The following YARS1 variants were observed in gnomAD, a reference collection of about 807,000 sequenced individuals.
The protein encoded by YARS1 is tyrosyl-tRNA synthetase 1, also known as tyrosine--tRNA ligase, cytoplasmic.
YARS1 carries 36 observed loss-of-function variants against 62.2 expected under a neutral mutation model. The observed-to-expected ratio is 0.58, with a 90% CI of 0.44 to 0.76. The LOEUF (loss-of-function observed/expected upper bound fraction) is 0.76. YARS1 is among the 30% of genes least tolerant of loss of function. The pLI is 0.00. For synonymous variants in YARS1, 234 were observed against 244.9 expected (o/e 0.96, Z 0.42); for missense variants, 524 against 639.8 (o/e 0.82, Z 1.95).
intron 3 of YARS1, among the ~76,000 whole-genome samples, chr1:32,810,287 G>C (rs1381200388): frequency 1.3e-5 from 2 of 152,142 alleles, no homozygotes; most frequent in East Asian, 3.9e-4. Flanking sequence ...GGAAGAGAAA[G>C]GGAGGCTGAA....
intron 4 of YARS1, among the ~76,000 whole-genome samples, chr1:32,805,243 GAGGGGGAGA>G (rs1387804819): frequency 9.7e-6 from 1 of 103,270 alleles, no homozygotes; most frequent in Non-Finnish European, 2.0e-5. Context: ...GAGAGGGGGA[GAGGGGGAGA>G]GGGGGAGAGG....
Position 32,775,881 on chromosome 1 carries a change from T to C in YARS1, c.*100A>G. ...GAATAAAGAGTCCAAACCCGCTGCT[T>C]CCGTGTCCTGAGAGATGGGTAAATG... On this transcript the variant is annotated 3_prime_UTR_variant, in exon 13 of 13. Transcript: ENST00000373477. 8.8e-7 allele frequency: 1 copy of C among 1,140,638 alleles called. No individual in the cohort carries two copies. Among genetic ancestry groups the C allele is most frequent in the Admixed American group, 1.9e-5 (1 of 53,732 alleles). 70.7% of individuals were successfully genotyped at this position (1,140,638 alleles called of 1,614,324 possible). A position where few individuals can be genotyped will look rare whatever the true frequency, so the allele number is the denominator to read the frequency against.
In YARS1 at chr1:32,810,707, T is replaced by C. The variant is rs989163919; in HGVS notation, c.264A>G (p.Glu88=). Residue 88 remains glutamate, a synonymous_variant, in exon 3 of 13, where the codon GAA becomes GAG. Coordinates refer to ENST00000373477, the MANE Select transcript of YARS1 (RefSeq NM_003680.4). Reference sequence around the variant, plus strand: ...AGTAACTGACTCGGAGTTCTAGAAGTTCCCATGGGGCTTTCATGTTATCCA... The same window carrying C: ...AGTAACTGACTCGGAGTTCTAGAAGCTCCCATGGGGCTTTCATGTTATCCA... ...AYLDNMKAPW[E]LLELRVSYYE... 1.2e-6 allele frequency: 2 copies of C among 1,614,178 alleles called. No homozygotes were observed. The highest frequency in any genetic ancestry group is 4.5e-5 in the East Asian group (2 of 44,878).
At chr1:32,816,889 C>G in intron 1 of YARS1, 1 of 559,600 alleles carries the variant, frequency 1.8e-6, no homozygotes, top group East Asian at 3.0e-5. Flanking sequence ...GTATCCCCAG[C>G]GACTAAGCAC....
rs542587711 is a variant in YARS1 at position 32,804,807 on chromosome 1, C to T, written c.510+1675G>A. On this transcript the variant is annotated intron_variant, in intron 4 of 12. Coordinates refer to ENST00000373477, the MANE Select transcript of YARS1 (RefSeq NM_003680.4). ...CAGACGATGGGCGGCCAGGCAGAGA[C>T]GCTCCTCACTTCCCAGATGGGGTGG... 1.9e-4 allele frequency among the ~76,000 whole-genome samples: 29 copies of T among 152,118 alleles called. No individual in the cohort carries two copies. The South Asian group carries it at 2.1e-3, about 11-fold the overall frequency.
In YARS1 at chr1:32,810,900, T is replaced by G. The variant is rs779633060; in HGVS notation, c.204+11A>C. 6.2e-7 allele frequency: 1 copy of G among 1,614,098 alleles called. No individual in the cohort carries two copies. Among genetic ancestry groups the G allele is most frequent in the South Asian group, 1.1e-5 (1 of 91,080 alleles). On this transcript the variant is annotated intron_variant, in intron 2 of 12. Coordinates refer to ENST00000373477, the MANE Select transcript of YARS1 (RefSeq NM_003680.4). ...GGTCATTCCCCAAGGGCTTATAGCATTAGTTCTTACCTCACACCCTGCCTT... is the reference window on the plus strand; with the variant it reads ...GGTCATTCCCCAAGGGCTTATAGCAGTAGTTCTTACCTCACACCCTGCCTT...
rs563131536 is a variant in YARS1, at chr1:32,780,455, T to C, written c.1141-177A>G. 273 of 694,280 alleles carry C rather than the reference T, an allele frequency of 3.9e-4. 3 individuals are homozygous for C. The highest frequency in any genetic ancestry group is 2.9e-3 in the South Asian group (170 of 58,320). 43.0% of individuals were successfully genotyped at this position (694,280 alleles called of 1,614,324 possible). ...CAGACAGGAGAATGGGCTCTGATGG[T>C]ATACTCTGCTCTCAACTGAGGCCAG... is the stretch of plus-strand genomic sequence containing the variant. On this transcript the variant is annotated intron_variant, in intron 10 of 12. Transcript: ENST00000373477.
At chr1:32,797,703 T>C in intron 5 of YARS1, 60 bp downstream of exon 5, 6 of 1,435,256 alleles carry the variant, frequency 4.2e-6, no homozygotes, top group Non-Finnish European at 5.9e-6. Flanking sequence ...CATAGTTCAA[T>C]AAACACAGCT....
intron 5 of YARS1, among the ~76,000 whole-genome samples, chr1:32,797,085 A>G (rs1653628594): frequency 7.8e-6 from 1 of 128,358 alleles, no homozygotes; most frequent in African/African-American, 3.0e-5. Context: ...TATATCAAAA[A>G]ACTAAGCCAG....
chr1:32,806,344 A>T, intron 4 of YARS1, 138 bp downstream of exon 4: 1 of 1,369,754 alleles, frequency 7.3e-7, no homozygotes, highest in South Asian at 1.2e-5. Context: ...GACTTGCTGT[A>T]CACAGGGTTG....
chr1:32,790,195 T>C (rs796561864), intron 6 of YARS1, among the ~76,000 whole-genome samples: 2,622 of 147,572 alleles, frequency 0.018, 48 homozygotes, highest in Middle Eastern at 0.035. Context: ...TTTTTTTTTT[T>C]TTTTTTTAAT....
chr1:32,796,118 C>T (rs188998873), intron 5 of YARS1, among the ~76,000 whole-genome samples: 35 of 151,878 alleles, frequency 2.3e-4, no homozygotes, highest in African/African-American at 7.0e-4. Context: ...CATAGTGAAA[C>T]TCCGTCTCTA....
intron 8 of YARS1, among the ~76,000 whole-genome samples, chr1:32,784,203 CAG>C (rs1228037214): frequency 2.0e-5 from 3 of 147,750 alleles, no homozygotes; most frequent in African/African-American, 7.5e-5. Flanking sequence ...TTTGTAGAGA[CAG>C]AGTCTCACTA....
chr1:32,811,059 T>C lies in YARS1; in HGVS notation c.58-2A>G, dbSNP rs371699331. The C allele has an allele frequency of 4.3e-6, 7 of 1,613,996 alleles. No individual in the cohort carries two copies. The highest frequency in any genetic ancestry group is 5.9e-6 in the Non-Finnish European group (7 of 1,180,020). ...CAGCTTCTCTTCCCCCAGAACCTCC[T>C]ATTGTGGAAGCAGAAGAGTTAGTTT... On this transcript the variant is annotated splice_acceptor_variant, in intron 1 of 12. Transcript: ENST00000373477. LOFTEE classifies it high-confidence loss of function.
Position 32,780,216 on chromosome 1 carries a change from A to G in YARS1, c.1203T>C (p.Thr401=). ...CGAACTGTACCAGGCCGCTCACCAC[A>G]GTCCGTGGTTCAGCTTCCCCCACGT... ...KIDVGEAEPR[T]VVSGLVQFVP... Residue 401 remains threonine, a synonymous_variant, in exon 11 of 13, where the codon ACT becomes ACC. Coordinates refer to ENST00000373477, the MANE Select transcript of YARS1 (RefSeq NM_003680.4). The G allele has an allele frequency of 6.2e-7, 1 of 1,614,094 alleles. No homozygotes were observed. The highest frequency in any genetic ancestry group is 8.5e-7 in the Non-Finnish European group (1 of 1,180,022).
At chr1:32,814,605 G>A (rs1413875241) in intron 1 of YARS1, among the ~76,000 whole-genome samples, 2 of 152,152 alleles carry the variant, frequency 1.3e-5, no homozygotes, top group African/African-American at 2.4e-5. Flanking sequence ...GGCCAGGCTG[G>A]TCTTGAACTC....
chr1:32,781,039 A>G lies in YARS1; in HGVS notation c.1140+9T>C, dbSNP rs1464421507. On this transcript the variant is annotated intron_variant, in intron 10 of 12. Transcript: ENST00000373477. ...TCTGCCTCTCTGAGATGTGGTGAAAAATGAGTACCTTCTCCACAGTGATGA... is the reference window on the plus strand; with the variant it reads ...TCTGCCTCTCTGAGATGTGGTGAAAGATGAGTACCTTCTCCACAGTGATGA... 1 of 1,613,736 alleles carries G rather than the reference A, an allele frequency of 6.2e-7. No homozygotes were observed. The highest frequency in any genetic ancestry group is 2.2e-5 in the East Asian group (1 of 44,882).
intron 1 of YARS1, among the ~76,000 whole-genome samples, chr1:32,815,187 A>G (rs1008099700): frequency 4.6e-5 from 7 of 152,186 alleles, no homozygotes; most frequent in African/African-American, 1.7e-4. Flanking sequence ...CGTCTCTACT[A>G]AAAATACAAA....
intron 4 of YARS1, among the ~76,000 whole-genome samples, chr1:32,800,765 G>A (rs1026577177): frequency 6.6e-6 from 1 of 152,054 alleles, no homozygotes; most frequent in Non-Finnish European, 1.5e-5. Flanking sequence ...AGTAGAGATG[G>A]GGTTTCACCA....
Sources: allele counts gnomAD v4.1 joint callset (sites outside exome capture counted in the v4.1 genomes callset), GRCh38; gene constraint gnomAD v4.1.1; transcripts MANE v1.5; gene names NCBI Gene and HGNC (gene_info 2026-07-23, HGNC 2026-07-21).